The following ASB18 variants were observed in gnomAD, a reference collection of about 807,000 sequenced individuals.
ASB18 encodes ankyrin repeat and SOCS box containing 18.
In ASB18, 33 loss-of-function variants were observed where a neutral mutation model predicts 33.4. The observed-to-expected ratio is 0.99, with a 90% CI of 0.75 to 1.32. The LOEUF (loss-of-function observed/expected upper bound fraction) is 1.32, where lower values mean the gene tolerates loss of function less well. Among genes scored for constraint, ASB18 ranks in the 40% most tolerant of loss-of-function variants. The pLI is 0.00. For missense variants in ASB18, 694 were observed against 655.5 expected, an observed-to-expected ratio of 1.06 and a Z score of -0.64; for synonymous variants, 295 against 307.6, an observed-to-expected ratio of 0.96 and a Z score of 0.43.
In ASB18 at chr2:236,211,439, G is replaced by A. The variant is rs1433276697; in HGVS notation, c.1101+2923C>T. Among the ~76,000 whole-genome samples the A allele has an allele frequency of 1.3e-5, 2 of 152,254 alleles. No homozygotes were observed. Among genetic ancestry groups the A allele is most frequent in the African/African-American group, 4.8e-5 (2 of 41,468 alleles). On this transcript the variant is annotated intron_variant, in intron 4 of 5. Coordinates refer to ENST00000409749, the MANE Select transcript of ASB18 (RefSeq NM_212556.4). The surrounding 1 kb of genome is among the most constrained non-coding windows in gnomAD (Gnocchi z 5.0). ...CGCCTGCCGCGACGATGGTGCCTTT[G>A]TCTGGGCATGGGGAGCTGTGATTTA...
Position 236,239,639 on chromosome 2 carries a change from A to C in ASB18, c.328+1641T>G, listed in dbSNP as rs2060612240. On this transcript the variant is annotated intron_variant, in intron 2 of 5. Coordinates refer to ENST00000409749, the MANE Select transcript of ASB18 (RefSeq NM_212556.4). This position sits in a 1 kb window ranked among gnomAD's most constrained non-coding sequence, Gnocchi z 5.6. ...CAGCTCCCCCATGTCAGTGCTCTCT[A>C]TGACTGTGGGCTGGATGGGCCAGCA... is the stretch of plus-strand genomic sequence containing the variant. Among the ~76,000 whole-genome samples the C allele has an allele frequency of 6.6e-6, 1 of 152,142 alleles. No individual in the cohort carries two copies. The highest frequency in any genetic ancestry group is 2.4e-5 in the African/African-American group (1 of 41,434).
Position 236,209,305 on chromosome 2 carries a change from C to T in ASB18, c.1101+5057G>A, listed in dbSNP as rs968884672. ...TTTTTTTTTTTAAGACAAGGTCTTG[C>T]TCTGTCGTCCAGGCTGGAGTGTAGT... On this transcript the variant is annotated intron_variant, in intron 4 of 5. Coordinates refer to ENST00000409749, the MANE Select transcript of ASB18 (RefSeq NM_212556.4). The surrounding 1 kb of genome is among the most constrained non-coding windows in gnomAD (Gnocchi z 4.4). 2.0e-5 allele frequency among the ~76,000 whole-genome samples: 3 copies of T among 148,566 alleles called. No individual in the cohort carries two copies. Among genetic ancestry groups the T allele is most frequent in the African/African-American group, 7.5e-5 (3 of 39,952 alleles).
At chr2:236,201,120 C>CTCCT (rs1033987056) in intron 4 of ASB18, among the ~76,000 whole-genome samples, 1 of 151,282 alleles carries the variant, frequency 6.6e-6, no homozygotes, top group Non-Finnish European at 1.5e-5. Flanking sequence ...CCCTCCTTCC[C>CTCCT]TCCTTCCTTC....
rs540941794 is a variant in ASB18 at position 236,262,598 on chromosome 2, G to A, written c.205+1543C>T. 2.6e-5 allele frequency among the ~76,000 whole-genome samples: 4 copies of A among 152,098 alleles called. No homozygotes were observed. The highest frequency in any genetic ancestry group is 4.8e-5 in the African/African-American group (2 of 41,400). On this transcript the variant is annotated intron_variant, in intron 1 of 5. Coordinates refer to ENST00000409749, the MANE Select transcript of ASB18 (RefSeq NM_212556.4). This position sits in a 1 kb window ranked among gnomAD's most constrained non-coding sequence, Gnocchi z 5.2. ...GATGCAGTTTGCAGAGATCAGCCTC[G>A]GGGGGGTGCTTGGGCACGGTGGGCC...
At position 236,225,853 on chromosome 2, in the gene ASB18, C is replaced by T. The variant is rs1344230050; in HGVS notation, c.597-10987G>A. 6.6e-6 allele frequency among the ~76,000 whole-genome samples: 1 copy of T among 151,842 alleles called. No homozygotes were observed. The highest frequency in any genetic ancestry group is 1.5e-5 in the Non-Finnish European group (1 of 67,990). Reference sequence around the variant, plus strand: ...ACTCAAAGGTTTTAAAGTCCTGTGCCCATGGCGAATTGCCAACTAAAAGGG... The same window carrying T: ...ACTCAAAGGTTTTAAAGTCCTGTGCTCATGGCGAATTGCCAACTAAAAGGG... On this transcript the variant is annotated intron_variant, in intron 3 of 5. Coordinates refer to ENST00000409749, the MANE Select transcript of ASB18 (RefSeq NM_212556.4). This position sits in a 1 kb window ranked among gnomAD's most constrained non-coding sequence, Gnocchi z 5.1.
chr2:236,240,992 G>T (rs561202948), intron 2 of ASB18, among the ~76,000 whole-genome samples: 1 of 152,280 alleles, frequency 6.6e-6, no homozygotes, highest in South Asian at 2.1e-4. Context: ...TGCAGGCACG[G>T]GCAGCTCCAC....
In ASB18 at chr2:236,199,315, G is replaced by A. The variant is rs530964238; in HGVS notation, c.1102-2930C>T. 4.6e-5 allele frequency among the ~76,000 whole-genome samples: 7 copies of A among 151,910 alleles called. No homozygotes were observed. The South Asian group carries it at 1.2e-3, about 27-fold the overall frequency. ...TAATCCCAGCTACTTGGGAGGCTGAGGCAGGAGAATCGCTTGAACCCGGGA... is the reference window on the plus strand; with the variant it reads ...TAATCCCAGCTACTTGGGAGGCTGAAGCAGGAGAATCGCTTGAACCCGGGA... On this transcript the variant is annotated intron_variant, in intron 4 of 5. Transcript: ENST00000409749.
Position 236,223,966 on chromosome 2 carries a change from TATAA to T in ASB18, c.597-9104_597-9101del, listed in dbSNP as rs1470534289. ...TTGCATGTTTCTATTTTTTGACTAT[TATAA>T]ATAAAGCTTCTATGAACGTTTTTGT... On this transcript the variant is annotated intron_variant, in intron 3 of 5. Transcript: ENST00000409749. This position sits in a 1 kb window ranked among gnomAD's most constrained non-coding sequence, Gnocchi z 4.6. Among the ~76,000 whole-genome samples the T allele has an allele frequency of 7.2e-5, 11 of 152,180 alleles. No homozygotes were observed. Among genetic ancestry groups the T allele is most frequent in the African/African-American group, 2.4e-4 (10 of 41,436 alleles).
intron 4 of ASB18, among the ~76,000 whole-genome samples, chr2:236,199,572 T>TTA: frequency 6.6e-6 from 1 of 151,404 alleles, no homozygotes; most frequent in East Asian, 1.9e-4. Flanking sequence ...ATATATGCTA[T>TTA]TATATATACT....
In ASB18 at chr2:236,220,013, C is replaced by T. The variant is rs1272829611; in HGVS notation, c.597-5147G>A. Among the ~76,000 whole-genome samples the T allele has an allele frequency of 6.6e-6, 1 of 152,194 alleles. No individual in the cohort carries two copies. Among genetic ancestry groups the T allele is most frequent in the South Asian group, 2.1e-4 (1 of 4,826 alleles). On this transcript the variant is annotated intron_variant, in intron 3 of 5. Coordinates refer to ENST00000409749, the MANE Select transcript of ASB18 (RefSeq NM_212556.4). This position sits in a 1 kb window ranked among gnomAD's most constrained non-coding sequence, Gnocchi z 5.1. ...CAAACACATTAATCTCTGGGTGCCTCATCTCTGTTTTCGATAATGACTGCA... is the reference window on the plus strand; with the variant it reads ...CAAACACATTAATCTCTGGGTGCCTTATCTCTGTTTTCGATAATGACTGCA...
rs111975448 is a variant in ASB18 at position 236,217,424 on chromosome 2, A to ATAAT, written c.597-2559_597-2558insATTA. ...CGAGACTCTGTCTCAAAAAAAAAAAAAAATAAATCTTGGCACCTTCAACTC... is the reference window on the plus strand; with the variant it reads ...CGAGACTCTGTCTCAAAAAAAAAAAATAATAAATAAATCTTGGCACCTTCAACTC... On this transcript the variant is annotated intron_variant, in intron 3 of 5. Coordinates refer to ENST00000409749, the MANE Select transcript of ASB18 (RefSeq NM_212556.4). The surrounding 1 kb of genome is among the most constrained non-coding windows in gnomAD (Gnocchi z 5.2). Among the ~76,000 whole-genome samples the ATAAT allele has an allele frequency of 1.2e-3, 185 of 150,406 alleles. 2 individuals carry two copies. The highest frequency in any genetic ancestry group is 4.4e-3 in the African/African-American group (180 of 40,516).
intron 1 of ASB18, among the ~76,000 whole-genome samples, chr2:236,261,241 G>A (rs1397687796): frequency 1.3e-5 from 2 of 152,198 alleles, no homozygotes; most frequent in African/African-American, 4.8e-5. Flanking sequence ...TCATGGGAGA[G>A]CTTAGGCAAG....
chr2:236,194,798 G>A lies in ASB18; in HGVS notation c.*74C>T. ...CTCCCATCACCTCCATCTGCATCAGGGCACTCTCCAACACACGGCCTCCAT... is the reference window on the plus strand; with the variant it reads ...CTCCCATCACCTCCATCTGCATCAGAGCACTCTCCAACACACGGCCTCCAT... On this transcript the variant is annotated 3_prime_UTR_variant, in exon 6 of 6. Coordinates refer to ENST00000409749, the MANE Select transcript of ASB18 (RefSeq NM_212556.4). This position sits in a 1 kb window ranked among gnomAD's most constrained non-coding sequence, Gnocchi z 4.5. The A allele has an allele frequency of 7.5e-7, 1 of 1,336,590 alleles. No homozygotes were observed. Among genetic ancestry groups the A allele is most frequent in the Non-Finnish European group, 1.0e-6 (1 of 968,024 alleles). The allele number at this position is 1,336,590 out of a possible 1,614,324, so 82.8% of individuals were successfully genotyped here.
Position 236,239,432 on chromosome 2 carries a change from GTCTGAATCAGCTTTCTGTAACTCCCGC to G in ASB18, c.329-1503_329-1477del, listed in dbSNP as rs2060611012. On this transcript the variant is annotated intron_variant, in intron 2 of 5. Coordinates refer to ENST00000409749, the MANE Select transcript of ASB18 (RefSeq NM_212556.4). The surrounding 1 kb of genome is among the most constrained non-coding windows in gnomAD (Gnocchi z 5.6). ...AGGTCCTTGGCGATGCAGTCAGGAA[GTCTGAATCAGCTTTCTGTAACTCCCGC>G]CCTCTGGTCCCAGTTCTGCCACCAG... 6.6e-6 allele frequency among the ~76,000 whole-genome samples: 1 copy of G among 151,948 alleles called. No individual in the cohort carries two copies. Among genetic ancestry groups the G allele is most frequent in the Non-Finnish European group, 1.5e-5 (1 of 67,972 alleles).
Position 236,250,861 on chromosome 2 carries a change from G to A in ASB18, c.206-9459C>T, listed in dbSNP as rs1194759024. On this transcript the variant is annotated intron_variant, in intron 1 of 5. Coordinates refer to ENST00000409749, the MANE Select transcript of ASB18 (RefSeq NM_212556.4). This position sits in a 1 kb window ranked among gnomAD's most constrained non-coding sequence, Gnocchi z 4.1. ...TCACATAGACATTAATATCAAAAAT[G>A]TTAAAGTATCTCAACCTCCTCTCTG... 2 of 152,202 alleles carry A rather than the reference G, an allele frequency of 1.3e-5. No individual in the cohort carries two copies. Among genetic ancestry groups the A allele is most frequent in the Non-Finnish European group, 2.9e-5 (2 of 68,034 alleles). 9.4% of individuals were successfully genotyped at this position (152,202 alleles called of 1,614,324 possible). A position where few individuals can be genotyped will look rare whatever the true frequency, so the allele number is the denominator to read the frequency against.
At chr2:236,201,555 C>A (rs1433743138) in intron 4 of ASB18, among the ~76,000 whole-genome samples, 9 of 152,190 alleles carry the variant, frequency 5.9e-5, no homozygotes, top group African/African-American at 2.2e-4. Flanking sequence ...AATGAACAGA[C>A]TTTTTACTAT....
chr2:236,208,590 A>C lies in ASB18; in HGVS notation c.1101+5772T>G, dbSNP rs11687335. On this transcript the variant is annotated intron_variant, in intron 4 of 5. Coordinates refer to ENST00000409749, the MANE Select transcript of ASB18 (RefSeq NM_212556.4). This position sits in a 1 kb window ranked among gnomAD's most constrained non-coding sequence, Gnocchi z 7.7. The stretch of plus-strand genomic sequence containing the variant: ...CCCACCCTGGGAAGAGGTGCCCTCC[A>C]TTAGAGCAAAAGCACCACCTCCTCC... Among the ~76,000 whole-genome samples the C allele has an allele frequency of 0.17, 26,145 of 151,850 alleles. 2,270 individuals are homozygous for C. The highest frequency in any genetic ancestry group is 0.25 in the South Asian group (1,202 of 4,796).
chr2:236,205,337 C>G lies in ASB18; in HGVS notation c.1102-8952G>C, dbSNP rs972536583. Among the ~76,000 whole-genome samples, 2 of 152,208 alleles carry G rather than the reference C, an allele frequency of 1.3e-5. No individual in the cohort carries two copies. Among genetic ancestry groups the G allele is most frequent in the Non-Finnish European group, 2.9e-5 (2 of 68,046 alleles). On this transcript the variant is annotated intron_variant, in intron 4 of 5. Transcript: ENST00000409749. This position sits in a 1 kb window ranked among gnomAD's most constrained non-coding sequence, Gnocchi z 5.4. The stretch of plus-strand genomic sequence containing the variant: ...TGTGCGCAGGGCTGGCCCACTCCAG[C>G]CTTAGGCTACAGATGGCTGGTCCTC...
At chr2:236,202,840 TC>T in intron 4 of ASB18, among the ~76,000 whole-genome samples, 1 of 146,248 alleles carries the variant, frequency 6.8e-6, no homozygotes, top group South Asian at 2.2e-4. Flanking sequence ...TCTCTAAAAA[TC>T]TAAATAGTAT....
Sources: gnomAD v4.1 joint callset for allele counts (sites outside exome capture counted in the v4.1 genomes callset) on GRCh38, gnomAD v4.1.1 for gene constraint, Gnocchi (gnomAD v3.1) non-coding constraint, MANE v1.5 for transcripts, NCBI Gene and HGNC (gene_info 2026-07-23, HGNC 2026-07-21) for gene names.